The following CIT variants were observed in gnomAD, a reference collection of about 807,000 sequenced individuals.
The protein encoded by CIT is citron Rho-interacting kinase.
In CIT, 79 loss-of-function variants were observed where a neutral mutation model predicts 272.7. The ratio of observed to expected loss-of-function variants is 0.29; its 90% CI spans 0.24 to 0.35. The LOEUF is 0.35. Among genes scored for constraint, CIT ranks in the 10% least tolerant of loss-of-function variants. The probability of loss-of-function intolerance (pLI) is 1.00; values close to 1 mark genes in which losing one functional copy is unlikely to be tolerated. For missense variants in CIT, 1,909 were observed against 2,618.3 expected, an observed-to-expected ratio of 0.73 and a Z score of 5.91; for synonymous variants, 948 against 995.6, an observed-to-expected ratio of 0.95 and a Z score of 0.90.
chr12:119,734,384 C>T, intron 25 of CIT, 27 bp from the exon 26 acceptor site: 1 of 1,604,860 alleles, frequency 6.2e-7, no homozygotes, highest in Middle Eastern at 1.7e-4. Flanking sequence ...CTGATTTGTG[C>T]CTTGTCTTTA....
chr12:119,708,303 A>G lies in CIT; in HGVS notation c.5087T>C (p.Leu1696Pro). ...LLMIAGEERA[L>P]CLVDVKKVKQ... ...CACTTTCTTCACGTCCACAAGACACAGTGCCCGCTCTTCTCCTGAACAGGA... is the reference window on the plus strand; with the variant it reads ...CACTTTCTTCACGTCCACAAGACACGGTGCCCGCTCTTCTCCTGAACAGGA... The change falls in exon 40 of 48, where the codon CTG (leucine) becomes CCG (proline). Residue 1696 changes from leucine to proline, a missense_variant. This residue lies in a region of CIT where 780 missense variants were observed against 1,067.2 expected (regional missense o/e 0.73). Transcript: ENST00000392521. 1 of 1,598,618 alleles carries G rather than the reference A, an allele frequency of 6.3e-7. No homozygotes were observed. Among genetic ancestry groups the G allele is most frequent in the Non-Finnish European group, 8.5e-7 (1 of 1,172,780 alleles).
chr12:119,698,100 A>G, intron 44 of CIT, 46 bp from the exon 45 acceptor site: 1 of 1,556,996 alleles, frequency 6.4e-7, no homozygotes, highest in Non-Finnish European at 8.9e-7. Flanking sequence ...AGAATGGTGA[A>G]AAGAGGGAAA....
At chr12:119,875,323 T>A (rs747481857) in intron 2 of CIT, among the ~76,000 whole-genome samples, 6 of 152,142 alleles carry the variant, frequency 3.9e-5, no homozygotes, top group Non-Finnish European at 4.4e-5. Context: ...AATCAATCAA[T>A]GAATGAATAA....
intron 10 of CIT, among the ~76,000 whole-genome samples, chr12:119,799,690 C>T (rs928441544): frequency 6.6e-6 from 1 of 152,200 alleles, no homozygotes; most frequent in East Asian, 1.9e-4. Flanking sequence ...ATACAACCAG[C>T]ATGTTTAAAA....
chr12:119,790,793 CACA>C (rs142665699), intron 10 of CIT, among the ~76,000 whole-genome samples: 1 of 152,166 alleles, frequency 6.6e-6, no homozygotes, highest in East Asian at 1.9e-4. Context: ...GGACAGCTCC[CACA>C]ACAAGAATTA....
Position 119,876,124 on chromosome 12 carries a change from A to T in CIT, c.45T>A (p.Gly15=). The change falls in exon 2 of 48, where the codon GGT becomes GGA. Residue 15 remains glycine, a synonymous_variant. Coordinates refer to ENST00000392521, the MANE Select transcript of CIT (RefSeq NM_001206999.2). ...KYGARNPLDA[G]AAEPIASRAS... ...CCCGGCTGGCAATGGGTTCAGCAGC[A>T]CCAGCATCCAAAGGATTCCGCGCTC... 6.2e-7 allele frequency: 1 copy of T among 1,614,070 alleles called. No homozygotes were observed. The highest frequency in any genetic ancestry group is 1.1e-5 in the South Asian group (1 of 91,054).
rs1593389360 is a variant in CIT, at chr12:119,700,699, A to G, written c.5623+46T>C. On this transcript the variant is annotated intron_variant, in intron 44 of 47. Coordinates refer to ENST00000392521, the MANE Select transcript of CIT (RefSeq NM_001206999.2). ...CCCGGATGCAATTCTTTTCCAGGAC[A>G]CCAGCTGCTGGCAAAAGAGAAGCCC... 9 of 1,478,460 alleles carry G rather than the reference A, an allele frequency of 6.1e-6. No individual in the cohort carries two copies. In the East Asian group the frequency reaches 2.1e-4, roughly 34 times the overall value. 91.6% of individuals were successfully genotyped at this position (1,478,460 alleles called of 1,614,324 possible). A position where few individuals can be genotyped will look rare whatever the true frequency, so the allele number is the denominator to read the frequency against.
chr12:119,789,178 G>T (rs1342645358), intron 10 of CIT, among the ~76,000 whole-genome samples: 1 of 152,202 alleles, frequency 6.6e-6, no homozygotes, highest in Non-Finnish European at 1.5e-5. Context: ...AGCAACATTT[G>T]TATTAAGCTG....
intron 21 of CIT, among the ~76,000 whole-genome samples, chr12:119,758,363 A>G (rs190046914): frequency 1.8e-4 from 28 of 152,136 alleles, no homozygotes; most frequent in Admixed American, 3.3e-4. Flanking sequence ...AGAGCAAAAC[A>G]CTCTGTAATG....
intron 23 of CIT, among the ~76,000 whole-genome samples, chr12:119,744,241 T>C (rs1490575418): frequency 2.6e-5 from 4 of 151,936 alleles, no homozygotes; most frequent in Admixed American, 6.6e-5. Context: ...GACTTACTGA[T>C]AGATGTGTGG....
intron 16 of CIT, among the ~76,000 whole-genome samples, 169 bp from the exon 17 acceptor site, chr12:119,773,079 C>A (rs1963354969): frequency 6.6e-6 from 1 of 151,342 alleles, no homozygotes; most frequent in African/African-American, 2.4e-5. Context: ...ACTGAATTTA[C>A]CATTTGTCAA....
At chr12:119,732,409 G>A (rs1958508214) in intron 26 of CIT, among the ~76,000 whole-genome samples, 1 of 151,088 alleles carries the variant, frequency 6.6e-6, no homozygotes, top group African/African-American at 2.4e-5. Context: ...AAACAGCTAG[G>A]ATAGGAGCTG....
intron 10 of CIT, among the ~76,000 whole-genome samples, chr12:119,791,219 A>G (rs1965280334): frequency 6.6e-6 from 1 of 152,188 alleles, no homozygotes; most frequent in African/African-American, 2.4e-5. Context: ...CACACTCAAG[A>G]AAAGTGCTAC....
At chr12:119,780,646 G>C (rs1390920688) in intron 13 of CIT, among the ~76,000 whole-genome samples, 1 of 151,816 alleles carries the variant, frequency 6.6e-6, no homozygotes, top group East Asian at 1.9e-4. Context: ...TAGAAAGTTA[G>C]ATTTTTAAGA....
At chr12:119,776,112 C>G (rs1593697955) in intron 15 of CIT, among the ~76,000 whole-genome samples, 1 of 152,100 alleles carries the variant, frequency 6.6e-6, no homozygotes, top group Non-Finnish European at 1.5e-5. Context: ...TTTTCCTATA[C>G]TTTTTACTAA....
intron 3 of CIT, among the ~76,000 whole-genome samples, chr12:119,860,822 T>TAAA (rs561470396): frequency 7.3e-6 from 1 of 136,492 alleles, no homozygotes. Flanking sequence ...TATGATTACT[T>TAAA]AAAAAAAAAA....
chr12:119,843,644 T>C (rs938113976), intron 5 of CIT, among the ~76,000 whole-genome samples: 1 of 152,032 alleles, frequency 6.6e-6, no homozygotes, highest in South Asian at 2.1e-4. Flanking sequence ...ACCCCGTCTC[T>C]ACTAAAAAGA....
intron 39 of CIT, among the ~76,000 whole-genome samples, chr12:119,709,787 A>AGT (rs150206566): frequency 1.2e-3 from 133 of 107,690 alleles, no homozygotes; most frequent in Admixed American, 2.1e-3. Flanking sequence ...AGAGAGAGAG[A>AGT]GTGTGTGTGT....
intron 2 of CIT, among the ~76,000 whole-genome samples, chr12:119,870,944 C>A (rs1200805183): frequency 6.6e-6 from 1 of 151,946 alleles, no homozygotes; most frequent in African/African-American, 2.4e-5. Context: ...CGTGGTGAAA[C>A]CCCATCTCTA....
Sources: gnomAD v4.1 joint callset for allele counts (sites outside exome capture counted in the v4.1 genomes callset) on GRCh38, gnomAD v4.1.1 for gene constraint, gnomAD v4.1.1 regional missense constraint, MANE v1.5 for transcripts, NCBI Gene and HGNC (gene_info 2026-07-23, HGNC 2026-07-21) for gene names.